The following PDE4B variants were observed in gnomAD, a reference collection of about 807,000 sequenced individuals.
PDE4B encodes the protein 3',5'-cyclic-AMP phosphodiesterase 4B.
In PDE4B, 20 loss-of-function variants were observed where a neutral mutation model predicts 82.2. That is an observed-to-expected ratio of 0.24 (90% CI 0.17 to 0.35). The LOEUF is 0.35. Ranked by LOEUF, PDE4B falls within the 10% of genes least tolerant of loss-of-function variation. The pLI, the probability that PDE4B is intolerant of heterozygous loss-of-function variation, is 1.00. For missense variants in PDE4B, 655 were observed against 907.2 expected (o/e 0.72, Z 3.57); for synonymous variants, 320 against 318.9 (o/e 1.00, Z -0.04).
At chr1:65,944,855 T>A (rs1648625121) in intron 3 of PDE4B, among the ~76,000 whole-genome samples, 1 of 151,906 alleles carries the variant, frequency 6.6e-6, no homozygotes, top group Non-Finnish European at 1.5e-5. Context: ...GGAGCATTCC[T>A]ACCAGAGAAC....
At chr1:66,236,672 A>G (rs1038284696) in intron 3 of PDE4B, among the ~76,000 whole-genome samples, 1 of 152,158 alleles carries the variant, frequency 6.6e-6, no homozygotes, top group African/African-American at 2.4e-5. Flanking sequence ...CAAAACGATG[A>G]TGCAGGAGAG....
In PDE4B at chr1:66,246,033, G is replaced by A. The variant is rs1446586187; in HGVS notation, c.282-1427G>A. On this transcript the variant is annotated intron_variant, in intron 3 of 16. Transcript: ENST00000341517. ...CTTTTGGTTGAATTCAGAGACTAAAGAGGAATTTCACTCAGTTATCTATTG... is the reference window on the plus strand; with the variant it reads ...CTTTTGGTTGAATTCAGAGACTAAAAAGGAATTTCACTCAGTTATCTATTG... 2.0e-5 allele frequency among the ~76,000 whole-genome samples: 3 copies of A among 152,184 alleles called. No individual in the cohort carries two copies. In the South Asian group the frequency reaches 6.2e-4, roughly 32 times the overall value.
intron 3 of PDE4B, among the ~76,000 whole-genome samples, chr1:66,129,755 T>C (rs1408649577): frequency 1.3e-5 from 2 of 151,782 alleles, no homozygotes; most frequent in Non-Finnish European, 2.9e-5. Flanking sequence ...TAAGGTTGTA[T>C]ATTAAGATAA....
intron 1 of PDE4B, among the ~76,000 whole-genome samples, chr1:65,837,450 A>T (rs1007725465): frequency 1.3e-5 from 2 of 152,102 alleles, no homozygotes; most frequent in African/African-American, 4.8e-5. Flanking sequence ...TATACTAAAA[A>T]TACAAAAATT....
intron 7 of PDE4B, among the ~76,000 whole-genome samples, chr1:66,303,709 A>G (rs1354520220): frequency 6.6e-6 from 1 of 152,134 alleles, no homozygotes; most frequent in African/African-American, 2.4e-5. Context: ...AGAGAGTACT[A>G]GAAGTGTGAC....
chr1:66,226,109 A>G (rs1016344785), intron 3 of PDE4B, among the ~76,000 whole-genome samples: 1 of 152,262 alleles, frequency 6.6e-6, no homozygotes, highest in Non-Finnish European at 1.5e-5. Context: ...TGATTTGTCT[A>G]GCAAAATGCT....
intron 1 of PDE4B, among the ~76,000 whole-genome samples, chr1:65,850,262 A>G (rs1220709639): frequency 6.6e-6 from 1 of 151,620 alleles, no homozygotes; most frequent in Non-Finnish European, 1.5e-5. Flanking sequence ...ATGCCCAGCT[A>G]ATTTTTGTAT....
At chr1:65,796,378 G>A (rs551843852) in intron 1 of PDE4B, among the ~76,000 whole-genome samples, 1 of 151,510 alleles carries the variant, frequency 6.6e-6, no homozygotes, top group South Asian at 2.1e-4. Context: ...TTTTGTTGTT[G>A]TCCTACAAGA....
chr1:66,101,639 A>G (rs1440159852), intron 3 of PDE4B, among the ~76,000 whole-genome samples: 4 of 152,134 alleles, frequency 2.6e-5, no homozygotes, highest in South Asian at 2.1e-4. Context: ...TCTTTTGAGA[A>G]GTGTCTGTTC....
chr1:66,322,150 A>C (rs1466295434), intron 7 of PDE4B, among the ~76,000 whole-genome samples: 1 of 152,190 alleles, frequency 6.6e-6, no homozygotes, highest in Non-Finnish European at 1.5e-5. Flanking sequence ...TCCCTTCCTT[A>C]TACCGTATAC....
intron 7 of PDE4B, among the ~76,000 whole-genome samples, chr1:66,325,746 G>C (rs1659706308): frequency 6.6e-6 from 1 of 152,158 alleles, no homozygotes; most frequent in African/African-American, 2.4e-5. Context: ...CAATGACTCA[G>C]CTGTCAAATA....
chr1:65,926,322 C>G (rs944265138), intron 3 of PDE4B, among the ~76,000 whole-genome samples: 1 of 152,114 alleles, frequency 6.6e-6, no homozygotes, highest in Non-Finnish European at 1.5e-5. Context: ...TTGAGATAAC[C>G]TTGTGAACAA....
intron 3 of PDE4B, among the ~76,000 whole-genome samples, chr1:66,201,909 T>G (rs1190693944): frequency 6.6e-6 from 1 of 152,126 alleles, no homozygotes; most frequent in Non-Finnish European, 1.5e-5. Context: ...TGTTTGCTCT[T>G]GCTTTTCTAG....
chr1:66,058,134 G>A (rs1257434220), intron 3 of PDE4B, among the ~76,000 whole-genome samples: 1 of 152,196 alleles, frequency 6.6e-6, no homozygotes, highest in Non-Finnish European at 1.5e-5. Context: ...CAGGCCCCAT[G>A]TAAGTCTGAA....
intron 3 of PDE4B, among the ~76,000 whole-genome samples, chr1:66,075,226 G>A (rs1040329390): frequency 2.6e-5 from 4 of 151,970 alleles, no homozygotes; most frequent in Non-Finnish European, 5.9e-5. Flanking sequence ...TATTTCCTGG[G>A]CAAAGCCAAA....
At chr1:66,316,149 G>A (rs1659014055) in intron 7 of PDE4B, among the ~76,000 whole-genome samples, 1 of 152,176 alleles carries the variant, frequency 6.6e-6, no homozygotes, top group Non-Finnish European at 1.5e-5. Flanking sequence ...GTAAATGATT[G>A]CTAAATTAAA....
intron 3 of PDE4B, among the ~76,000 whole-genome samples, chr1:65,926,545 G>A (rs1647511843): frequency 6.6e-6 from 1 of 152,010 alleles, no homozygotes; most frequent in African/African-American, 2.4e-5. Flanking sequence ...GAATGTTTTT[G>A]GCTTTGAGTA....
At chr1:65,909,558 A>G (rs191365124) in intron 1 of PDE4B, among the ~76,000 whole-genome samples, 31 of 152,320 alleles carry the variant, frequency 2.0e-4, no homozygotes, top group Admixed American at 1.8e-3. Context: ...ACAGAACGTT[A>G]TGAAGGACTA....
chr1:66,367,593 G>T, intron 13 of PDE4B, 103 bp from the exon 14 acceptor site: 2 of 913,782 alleles, frequency 2.2e-6, no homozygotes, highest in Admixed American at 5.7e-5. Context: ...GGTGGTTCTT[G>T]AAATAATTTG....
Sources: allele counts gnomAD v4.1 joint callset (sites outside exome capture counted in the v4.1 genomes callset), GRCh38; gene constraint gnomAD v4.1.1; transcripts MANE v1.5; gene names NCBI Gene and HGNC (gene_info 2026-07-23, HGNC 2026-07-21).